Variants in AGAP1 observed in about 807,000 individuals in gnomAD.
AGAP1 encodes arf-GAP with GTPase, ANK repeat and PH domain-containing protein 1.
A neutral mutation model predicts 105.3 loss-of-function variants in AGAP1; 29 were observed. The ratio of observed to expected loss-of-function variants is 0.28; its 90% CI spans 0.21 to 0.38. The LOEUF is 0.38. Ranked by LOEUF, AGAP1 falls within the 10% of genes least tolerant of loss-of-function variation. AGAP1 has a pLI of 1.00. For missense variants in AGAP1, 998 were observed against 1,165.1 expected (o/e 0.86, Z 2.09); for synonymous variants, 509 against 485.9 (o/e 1.05, Z -0.63).
chr2:235,873,497 C>CT (rs925636303), intron 9 of AGAP1, among the ~76,000 whole-genome samples: 84 of 146,916 alleles, frequency 5.7e-4, no homozygotes, highest in East Asian at 2.6e-3. Context: ...TTTTGGCAAA[C>CT]TTTTTTTTTT....
At chr2:235,873,110 G>A (rs1031489900) in intron 9 of AGAP1, among the ~76,000 whole-genome samples, 3 of 152,196 alleles carry the variant, frequency 2.0e-5, no homozygotes, top group Non-Finnish European at 4.4e-5. Context: ...CAGAGACTGC[G>A]GGACCCCAGG....
intron 1 of AGAP1, among the ~76,000 whole-genome samples, chr2:235,580,719 T>C (rs1355439912): frequency 3.3e-5 from 5 of 152,120 alleles, no homozygotes; most frequent in African/African-American, 1.2e-4. Flanking sequence ...CTCTAATGTT[T>C]TGACAGTGGC....
At position 236,016,126 on chromosome 2, in the gene AGAP1, A is replaced by G. The variant is rs1405249862; in HGVS notation, c.1646-20435A>G. On this transcript the variant is annotated intron_variant, in intron 13 of 17. Transcript: ENST00000304032. ...TTTTTTAATCATAATTTTTTTTTTCATTTCTCAAGGGAAAATTGTTGTCTG... is the reference window on the plus strand; with the variant it reads ...TTTTTTAATCATAATTTTTTTTTTCGTTTCTCAAGGGAAAATTGTTGTCTG... Among the ~76,000 whole-genome samples, 4 of 151,396 alleles carry G rather than the reference A, an allele frequency of 2.6e-5. 1 individual carries two copies. Among genetic ancestry groups the G allele is most frequent in the Admixed American group, 2.6e-4 (4 of 15,210 alleles).
chr2:235,499,007 G>A (rs888924422), intron 1 of AGAP1, among the ~76,000 whole-genome samples: 1 of 152,338 alleles, frequency 6.6e-6, no homozygotes, highest in African/African-American at 2.4e-5. Context: ...GCTCTGTTGA[G>A]CATGTGTGTC....
intron 1 of AGAP1, among the ~76,000 whole-genome samples, chr2:235,594,454 C>G (rs1463551966): frequency 6.6e-6 from 1 of 151,978 alleles, no homozygotes; most frequent in Non-Finnish European, 1.5e-5. Flanking sequence ...TTTTGGCTTT[C>G]TTTCTTCTGT....
At chr2:236,018,763 A>G (rs543003435) in intron 13 of AGAP1, among the ~76,000 whole-genome samples, 21 of 152,282 alleles carry the variant, frequency 1.4e-4, no homozygotes, top group Non-Finnish European at 2.5e-4. Flanking sequence ...TAAAGTCCCA[A>G]TTCGAGCCCG....
chr2:235,699,435 A>G (rs999593770), intron 1 of AGAP1, among the ~76,000 whole-genome samples: 3 of 152,126 alleles, frequency 2.0e-5, no homozygotes, highest in Non-Finnish European at 4.4e-5. Flanking sequence ...ACTATATACT[A>G]GAAGTTGAAT....
chr2:235,686,843 T>C (rs917848797), intron 1 of AGAP1, among the ~76,000 whole-genome samples: 3 of 150,406 alleles, frequency 2.0e-5, no homozygotes, highest in African/African-American at 7.3e-5. Flanking sequence ...TTTTTTTTTT[T>C]TGTAGAGATG....
intron 6 of AGAP1, among the ~76,000 whole-genome samples, chr2:235,759,474 A>G (rs1437796511): frequency 6.6e-6 from 1 of 152,218 alleles, no homozygotes; most frequent in Non-Finnish European, 1.5e-5. Flanking sequence ...CGGCCCTGGC[A>G]GCTTCACATG....
intron 5 of AGAP1, among the ~76,000 whole-genome samples, chr2:235,749,875 G>A (rs991016084): frequency 2.6e-5 from 4 of 152,080 alleles, no homozygotes; most frequent in Admixed American, 2.0e-4. Context: ...CAATTCACTG[G>A]GGTATCCCTG....
chr2:235,779,193 G>C (rs1037944698), intron 6 of AGAP1, among the ~76,000 whole-genome samples: 1 of 152,204 alleles, frequency 6.6e-6, no homozygotes, highest in Non-Finnish European at 1.5e-5. Context: ...GGAGCAGCTA[G>C]AAGACTCGAG....
intron 1 of AGAP1, among the ~76,000 whole-genome samples, chr2:235,687,487 G>T (rs1244366093): frequency 2.6e-5 from 4 of 152,152 alleles, no homozygotes; most frequent in Non-Finnish European, 5.9e-5. Flanking sequence ...TGTGTAAATC[G>T]TAATAGCCCT....
chr2:235,671,052 G>C (rs540251805), intron 1 of AGAP1: 1 of 1,269,638 alleles, frequency 7.9e-7, no homozygotes, highest in African/African-American at 1.5e-5. Flanking sequence ...GGCTCCCCGC[G>C]CAGAGGTGGG....
At chr2:236,064,706 C>G (rs545379863) in intron 16 of AGAP1, among the ~76,000 whole-genome samples, 1 of 152,328 alleles carries the variant, frequency 6.6e-6, no homozygotes, top group South Asian at 2.1e-4. Flanking sequence ...TCAGCTCCCA[C>G]CAGCTGATTG....
At chr2:235,606,817 C>T (rs1261992900) in intron 1 of AGAP1, among the ~76,000 whole-genome samples, 5 of 151,926 alleles carry the variant, frequency 3.3e-5, no homozygotes, top group African/African-American at 4.8e-5. Context: ...GGCATGGTGG[C>T]GCACGCCTGC....
At chr2:235,999,850 G>A (rs1471296615) in intron 13 of AGAP1, among the ~76,000 whole-genome samples, 1 of 152,004 alleles carries the variant, frequency 6.6e-6, no homozygotes. Context: ...TGTCAAGCGG[G>A]GCAGTGTTCT....
chr2:235,823,180 CAT>C, intron 9 of AGAP1, among the ~76,000 whole-genome samples: 1 of 151,644 alleles, frequency 6.6e-6, no homozygotes, highest in African/African-American at 2.4e-5. Flanking sequence ...ATTTATGTAA[CAT>C]ATTAACATGT....
rs961650239 is a variant in AGAP1, at chr2:236,126,937, G to C, written c.*2815G>C. On this transcript the variant is annotated 3_prime_UTR_variant, in exon 18 of 18. Transcript: ENST00000304032. ...CTGGGGGCGGAGCTAGGAATAACTC[G>C]TTTGAGAAGGGGGTGGAGTTTTCGT... is the stretch of plus-strand genomic sequence containing the variant. The C allele has an allele frequency of 2.0e-5, 3 of 152,210 alleles. No homozygotes were observed. Among genetic ancestry groups the C allele is most frequent in the Non-Finnish European group, 4.4e-5 (3 of 68,080 alleles). 9.4% of individuals were successfully genotyped at this position (152,210 alleles called of 1,614,324 possible). A position where few individuals can be genotyped will look rare whatever the true frequency, so the allele number is the denominator to read the frequency against.
chr2:235,667,437 T>C (rs919466685), intron 1 of AGAP1, among the ~76,000 whole-genome samples: 15 of 152,006 alleles, frequency 9.9e-5, no homozygotes, highest in African/African-American at 3.6e-4. Context: ...CAAAGCAGAA[T>C]GCTGATGCTT....
Sources: gnomAD v4.1 joint callset for allele counts (sites outside exome capture counted in the v4.1 genomes callset) on GRCh38, gnomAD v4.1.1 for gene constraint, MANE v1.5 for transcripts, NCBI Gene and HGNC (gene_info 2026-07-23, HGNC 2026-07-21) for gene names.